Variants in ACKR3 observed in about 807,000 individuals in gnomAD.
The protein encoded by ACKR3 is C-X-C chemokine receptor type 7.
A neutral mutation model predicts 22.4 loss-of-function variants in ACKR3; 6 were observed. The ratio of observed to expected loss-of-function variants is 0.27; its 90% CI spans 0.15 to 0.53. The LOEUF (loss-of-function observed/expected upper bound fraction) is 0.53. Ranked by LOEUF, ACKR3 falls within the 20% of genes least tolerant of loss-of-function variation. The pLI is 0.96. For missense variants in ACKR3, 396 were observed against 475.2 expected, an observed-to-expected ratio of 0.83 and a Z score of 1.55; for synonymous variants, 209 against 205.2, an observed-to-expected ratio of 1.02 and a Z score of -0.16.
chr2:236,552,371 T>C, the ACKR3 span, among the ~76,000 whole-genome samples: 2 of 151,762 alleles, frequency 1.3e-5, no homozygotes, highest in Non-Finnish European at 2.9e-5. Context: ...TGGTGAAAAT[T>C]TGAGGAAATT....
the ACKR3 span, among the ~76,000 whole-genome samples, chr2:236,546,425 A>G: frequency 9.9e-5 from 15 of 152,204 alleles, no homozygotes; most frequent in Non-Finnish European, 2.2e-4. The surrounding 1 kb of genome is among the most constrained non-coding windows in gnomAD (Gnocchi z 4.9). Context: ...TTTACTACAT[A>G]GATACTTTTC....
the ACKR3 span, among the ~76,000 whole-genome samples, chr2:236,551,505 T>C: frequency 6.6e-6 from 1 of 152,006 alleles, no homozygotes; most frequent in African/African-American, 2.4e-5. Flanking sequence ...TCAGGGGCCA[T>C]CCTGCCACCT....
chr2:236,543,427 G>A, the ACKR3 span, among the ~76,000 whole-genome samples: 4 of 152,206 alleles, frequency 2.6e-5, no homozygotes, highest in Non-Finnish European at 4.4e-5. Context: ...GCAGGAGGTG[G>A]TGAAGAAAAC....
chr2:236,570,617 T>C (rs75033123), intron 1 of ACKR3, among the ~76,000 whole-genome samples: 2,446 of 152,308 alleles, frequency 0.016, 56 homozygotes, highest in African/African-American at 0.051. Flanking sequence ...CCAACTTCAA[T>C]TGGGGTTGGG....
At chr2:236,565,672 C>T (rs1691163190), upstream of ACKR3, among the ~76,000 whole-genome samples, 1 of 152,192 alleles carries the variant, frequency 6.6e-6, no homozygotes, top group East Asian at 1.9e-4. Context: ...TCCTGTTAAT[C>T]TATCTTATGT....
rs1574978942 is a variant in ACKR3, at chr2:236,581,152, T to G, written c.687T>G (p.Ala229=). The part of the protein sequence containing the change: ...LGFAVPFSII[A]VFYFLLARAI... ...TTGCCGTTCCCTTCTCCATTATCGC[T>G]GTCTTCTACTTCCTGCTGGCCAGAG... Residue 229 remains alanine, a synonymous_variant, in exon 2 of 2, where the codon GCT becomes GCG. Transcript: ENST00000272928. The surrounding 1 kb of genome is among the most constrained non-coding windows in gnomAD (Gnocchi z 4.4). 1.2e-6 allele frequency: 2 copies of G among 1,614,154 alleles called. No individual in the cohort carries two copies. Among genetic ancestry groups the G allele is most frequent in the African/African-American group, 2.7e-5 (2 of 75,040 alleles).
the ACKR3 span, among the ~76,000 whole-genome samples, chr2:236,560,314 GCCTTTTTT>G: frequency 7.9e-6 from 1 of 126,930 alleles, no homozygotes. Flanking sequence ...AGCACTTGTT[GCCTTTTTT>G]TTTTTTTTTT....
chr2:236,539,025 G>A, the ACKR3 span, among the ~76,000 whole-genome samples: 6 of 152,118 alleles, frequency 3.9e-5, no homozygotes, highest in Non-Finnish European at 1.5e-5. Context: ...GATGCAGTAT[G>A]CCTTCTTTTG....
the ACKR3 span, among the ~76,000 whole-genome samples, chr2:236,548,375 A>G: frequency 4.4e-4 from 67 of 152,330 alleles, no homozygotes; most frequent in African/African-American, 1.6e-3. The surrounding 1 kb of genome is among the most constrained non-coding windows in gnomAD (Gnocchi z 4.3). Flanking sequence ...CTTAGCCAAG[A>G]TATTTTTGGA....
chr2:236,543,996 C>CT, the ACKR3 span, among the ~76,000 whole-genome samples: 111 of 48,038 alleles, frequency 2.3e-3, 2 homozygotes, highest in African/African-American at 6.1e-3. Flanking sequence ...TATATATACA[C>CT]TTTTTTTTTT....
chr2:236,580,402 C>A, intron 1 of ACKR3, 38 bp from the exon 2 acceptor site: 1 of 1,550,894 alleles, frequency 6.4e-7, no homozygotes, highest in South Asian at 1.3e-5. Context: ...AAGTGACTTT[C>A]CTCTTCCATC....
At chr2:236,540,158 G>A in the ACKR3 span, among the ~76,000 whole-genome samples, 1 of 152,204 alleles carries the variant, frequency 6.6e-6, no homozygotes, top group Non-Finnish European at 1.5e-5. Flanking sequence ...CAATATGTGA[G>A]TATTCCACTT....
chr2:236,581,685 C>A lies in ACKR3; in HGVS notation c.*131C>A. 8.8e-7 allele frequency: 1 copy of A among 1,136,898 alleles called. No individual in the cohort carries two copies. The highest frequency in any genetic ancestry group is 1.2e-6 in the Non-Finnish European group (1 of 811,566). The allele number at this position is 1,136,898 out of a possible 1,614,324, so 70.4% of individuals were successfully genotyped here. ...AGTAGAGTGAAGAGGGGAGCACGTG[C>A]CCCCTGCATCCATTCTCTCTTTCTC... is the stretch of plus-strand genomic sequence containing the variant. On this transcript the variant is annotated 3_prime_UTR_variant, in exon 2 of 2. Coordinates refer to ENST00000272928, the MANE Select transcript of ACKR3 (RefSeq NM_020311.3). This position sits in a 1 kb window ranked among gnomAD's most constrained non-coding sequence, Gnocchi z 4.4.
At chr2:236,564,945 T>C (rs929332708), upstream of ACKR3, among the ~76,000 whole-genome samples, 16 of 152,098 alleles carry the variant, frequency 1.1e-4, no homozygotes, top group Non-Finnish European at 1.5e-4. Context: ...TGAAAGAAGA[T>C]AGGCAACATA....
Position 236,577,416 on chromosome 2 carries a change from G to A in ACKR3, c.-26-3024G>A, listed in dbSNP as rs1691432958. Reference sequence around the variant, plus strand: ...AAAGGTAGAAAGCCAAGGGCTGGATGGGGGTCCCTGAGCCCTTTTCCACCT... The same window carrying A: ...AAAGGTAGAAAGCCAAGGGCTGGATAGGGGTCCCTGAGCCCTTTTCCACCT... On this transcript the variant is annotated intron_variant, in intron 1 of 1. Transcript: ENST00000272928. The surrounding 1 kb of genome is among the most constrained non-coding windows in gnomAD (Gnocchi z 5.6). 1.3e-5 allele frequency among the ~76,000 whole-genome samples: 2 copies of A among 152,192 alleles called. No individual in the cohort carries two copies. The highest frequency in any genetic ancestry group is 4.1e-4 in the South Asian group (2 of 4,826).
intron 1 of ACKR3, among the ~76,000 whole-genome samples, chr2:236,572,118 C>T (rs1172542170): frequency 6.6e-6 from 1 of 152,104 alleles, no homozygotes; most frequent in Non-Finnish European, 1.5e-5. Flanking sequence ...ATAGACAGAT[C>T]AGGACAGGGA....
rs59192499 is a variant in ACKR3 at position 236,577,968 on chromosome 2, C to T, written c.-26-2472C>T. On this transcript the variant is annotated intron_variant, in intron 1 of 1. Coordinates refer to ENST00000272928, the MANE Select transcript of ACKR3 (RefSeq NM_020311.3). The surrounding 1 kb of genome is among the most constrained non-coding windows in gnomAD (Gnocchi z 5.6). Reference sequence around the variant, plus strand: ...CCTCTGCTCCCCGGGACTCTGGGGTCAGATGAGATCATGGGGGAAAGTGTT... The same window carrying T: ...CCTCTGCTCCCCGGGACTCTGGGGTTAGATGAGATCATGGGGGAAAGTGTT... Among the ~76,000 whole-genome samples the T allele has an allele frequency of 0.058, 8,884 of 152,198 alleles. 302 individuals carry two copies. The highest frequency in any genetic ancestry group is 0.11 in the South Asian group (553 of 4,822).
At chr2:236,563,861 C>T (rs1479642447), upstream of ACKR3, among the ~76,000 whole-genome samples, 1 of 152,204 alleles carries the variant, frequency 6.6e-6, no homozygotes, top group Non-Finnish European at 1.5e-5. Context: ...CCCCCACAGG[C>T]TGTGATCAGG....
rs1314668983 is a variant in ACKR3, at chr2:236,577,655, T to A, written c.-26-2785T>A. ...GCCTGGCCAGCCGGCATCTGACATG[T>A]CTCTACACTGGAGGGCAAGTAAGAC... On this transcript the variant is annotated intron_variant, in intron 1 of 1. Coordinates refer to ENST00000272928, the MANE Select transcript of ACKR3 (RefSeq NM_020311.3). This position sits in a 1 kb window ranked among gnomAD's most constrained non-coding sequence, Gnocchi z 5.6. Among the ~76,000 whole-genome samples the A allele has an allele frequency of 6.6e-6, 1 of 151,926 alleles. No homozygotes were observed. Among genetic ancestry groups the A allele is most frequent in the African/African-American group, 2.4e-5 (1 of 41,366 alleles).
Sources: gnomAD v4.1 joint callset for allele counts (sites outside exome capture counted in the v4.1 genomes callset) on GRCh38, gnomAD v4.1.1 for gene constraint, Gnocchi (gnomAD v3.1) non-coding constraint, MANE v1.5 for transcripts, NCBI Gene and HGNC (gene_info 2026-07-23, HGNC 2026-07-21) for gene names.